The following CNBD1 variants were observed in gnomAD, a reference collection of about 807,000 sequenced individuals.
The protein encoded by CNBD1 is cyclic nucleotide-binding domain-containing protein 1.
Under a neutral mutation model 54.4 loss-of-function variants are expected in CNBD1, and 71 were observed. The observed-to-expected ratio is 1.30, with a 90% CI of 1.08 to 1.59. CNBD1 has a LOEUF of 1.59. Among genes scored for constraint, CNBD1 ranks in the 40% most tolerant of loss-of-function variants. The probability of loss-of-function intolerance (pLI) is 0.00; values close to 1 mark genes in which losing one functional copy is unlikely to be tolerated. For synonymous variants in CNBD1, 182 were observed against 170.7 expected, an observed-to-expected ratio of 1.07 and a Z score of -0.51; for missense variants, 659 against 518.0, an observed-to-expected ratio of 1.27 and a Z score of -2.64.
intron 4 of CNBD1, among the ~76,000 whole-genome samples, chr8:86,994,974 G>T (rs1314233786): frequency 6.6e-6 from 1 of 152,122 alleles, no homozygotes; most frequent in African/African-American, 2.4e-5. Context: ...AATTAAGCTG[G>T]AATCTGAAGG....
intron 1 of CNBD1, among the ~76,000 whole-genome samples, chr8:86,878,080 CTG>C (rs145093111): frequency 1.5e-4 from 20 of 135,894 alleles, no homozygotes; most frequent in East Asian, 2.2e-4. Context: ...TTCATCAAAG[CTG>C]TGTGTGTGTG....
chr8:87,075,230 GC>G (rs1465407984), intron 4 of CNBD1, among the ~76,000 whole-genome samples: 16 of 152,120 alleles, frequency 1.1e-4, no homozygotes, highest in Non-Finnish European at 1.2e-4. Context: ...CATATAGGAT[GC>G]CCATATGTTT....
chr8:87,378,307 A>G (rs1187633402), intron 10 of CNBD1, among the ~76,000 whole-genome samples: 2 of 145,400 alleles, frequency 1.4e-5, no homozygotes, highest in Non-Finnish European at 3.0e-5. Context: ...TAAGTCTTTA[A>G]TCCATCTTGA....
intron 2 of CNBD1, among the ~76,000 whole-genome samples, chr8:87,392,128 G>GA (rs1400087753): frequency 3.3e-5 from 5 of 151,900 alleles, no homozygotes; most frequent in African/African-American, 4.8e-5. Flanking sequence ...CTACTATTTT[G>GA]AAAAATTATA....
At chr8:86,952,630 T>C (rs982036676) in intron 4 of CNBD1, among the ~76,000 whole-genome samples, 4 of 151,872 alleles carry the variant, frequency 2.6e-5, no homozygotes, top group Non-Finnish European at 5.9e-5. Flanking sequence ...TGTATAAGCA[T>C]TTTTATTAAA....
intron 5 of CNBD1, among the ~76,000 whole-genome samples, chr8:87,211,962 A>G (rs1388817218): frequency 6.6e-6 from 1 of 152,230 alleles, no homozygotes; most frequent in Non-Finnish European, 1.5e-5. Context: ...AATGTATTAA[A>G]TTGGTAACTT....
At chr8:86,870,140 C>T (rs1357266088) in intron 1 of CNBD1, among the ~76,000 whole-genome samples, 2 of 142,298 alleles carry the variant, frequency 1.4e-5, no homozygotes, top group Non-Finnish European at 1.5e-5. Context: ...AAAAAGCATT[C>T]AAGATAAGAC....
In CNBD1 at chr8:87,274,744, C is replaced by A. The variant is rs548961391; in HGVS notation, c.772-9934C>A. 5.2e-5 allele frequency among the ~76,000 whole-genome samples: 7 copies of A among 133,462 alleles called. 1 individual carries two copies. The South Asian group carries it at 1.7e-3, about 33-fold the overall frequency. The allele number at this position is 133,462 out of a possible 152,430, so 87.6% of individuals were successfully genotyped here. A position where few individuals can be genotyped will look rare whatever the true frequency, so the allele number is the denominator to read the frequency against. ...TGCCTGTTCACTCTGATGGTAGTTT[C>A]TTTTGCTGTGCAGAAGCTCTTTAGT... On this transcript the variant is annotated intron_variant, in intron 6 of 10. Transcript: ENST00000518476.
intron 3 of CNBD1, among the ~76,000 whole-genome samples, chr8:86,928,205 A>C (rs1383150181): frequency 1.3e-5 from 2 of 152,174 alleles, no homozygotes; most frequent in Non-Finnish European, 2.9e-5. Flanking sequence ...TCCTTGACCA[A>C]GTTGGCCGTT....
intron 6 of CNBD1, among the ~76,000 whole-genome samples, chr8:87,267,006 A>G (rs1808271821): frequency 6.6e-6 from 1 of 152,132 alleles, no homozygotes; most frequent in Non-Finnish European, 1.5e-5. Flanking sequence ...AGGAAACTAT[A>G]TTGATACCTG....
chr8:87,351,896 T>A, intron 9 of CNBD1, 102 bp downstream of exon 9: 1 of 1,181,686 alleles, frequency 8.5e-7, no homozygotes, highest in East Asian at 3.3e-5. Context: ...TGTATTACTT[T>A]GTGAAATTTC....
At chr8:87,226,543 G>T (rs969991698) in intron 5 of CNBD1, among the ~76,000 whole-genome samples, 21 of 146,870 alleles carry the variant, frequency 1.4e-4, no homozygotes, top group Non-Finnish European at 2.5e-4. Flanking sequence ...CCATGTAGTT[G>T]AGCAGTTTTG....
At chr8:87,277,898 AAC>A (rs2130864172) in intron 6 of CNBD1, among the ~76,000 whole-genome samples, 1 of 151,850 alleles carries the variant, frequency 6.6e-6, no homozygotes, top group African/African-American at 2.4e-5. Context: ...AGTAGAAACA[AAC>A]ACACAGGTAA....
intron 2 of CNBD1, among the ~76,000 whole-genome samples, chr8:87,419,765 A>T (rs1287391645): frequency 6.6e-6 from 1 of 151,848 alleles, no homozygotes; most frequent in Non-Finnish European, 1.5e-5. Flanking sequence ...ACTTTAAAGT[A>T]TGAATTCCTG....
chr8:87,033,374 T>A (rs13264864), intron 4 of CNBD1, among the ~76,000 whole-genome samples: 4,558 of 152,092 alleles, frequency 0.03, 235 homozygotes, highest in African/African-American at 0.1. Flanking sequence ...TCAATAACAA[T>A]AGAGCTTTAA....
At chr8:86,988,224 C>T (rs150018135) in intron 4 of CNBD1, among the ~76,000 whole-genome samples, 405 of 148,294 alleles carry the variant, frequency 2.7e-3, no homozygotes, top group Middle Eastern at 0.01. Flanking sequence ...CTTCCTGATT[C>T]AATTTCCAGA....
At chr8:87,153,709 G>A (rs528220873) in intron 4 of CNBD1, among the ~76,000 whole-genome samples, 13 of 152,314 alleles carry the variant, frequency 8.5e-5, no homozygotes, top group African/African-American at 2.9e-4. Context: ...ACACTGTGCT[G>A]TGCAATGGAG....
At chr8:87,398,207 C>CTTTCTTTTTTTTTTTT (rs1181570235) in intron 2 of CNBD1, among the ~76,000 whole-genome samples, 18 of 149,720 alleles carry the variant, frequency 1.2e-4, no homozygotes, top group African/African-American at 4.3e-4. Flanking sequence ...GAAATATTTT[C>CTTTCTTTTTTTTTTTT]TTATTTTCTT....
At chr8:87,379,168 C>G (rs919954900) in intron 10 of CNBD1, among the ~76,000 whole-genome samples, 1 of 151,866 alleles carries the variant, frequency 6.6e-6, no homozygotes. Context: ...CCTAATTGCC[C>G]TGGCCAGAAG....
Sources: gnomAD v4.1 joint callset for allele counts (sites outside exome capture counted in the v4.1 genomes callset) on GRCh38, gnomAD v4.1.1 for gene constraint, MANE v1.5 for transcripts, NCBI Gene and HGNC (gene_info 2026-07-23, HGNC 2026-07-21) for gene names.